RET: variants seen among roughly 807,000 people sequenced by gnomAD.
RET encodes proto-oncogene tyrosine-protein kinase receptor Ret.
RET carries 19 observed loss-of-function variants against 118.3 expected under a neutral mutation model. That is an observed-to-expected ratio of 0.16 (90% CI 0.11 to 0.24). The LOEUF is 0.24. Among genes scored for constraint, RET ranks in the 10% least tolerant of loss-of-function variants. The pLI is 1.00. For synonymous variants in RET, 597 were observed against 644.1 expected (o/e 0.93, Z 1.11); for missense variants, 1,219 against 1,502.1 (o/e 0.81, Z 3.12).
chr10:43,087,366 G>A (rs1009666524), intron 1 of RET, among the ~76,000 whole-genome samples: 12 of 152,300 alleles, frequency 7.9e-5, no homozygotes, highest in African/African-American at 2.6e-4. Context: ...CTTAAGTCTG[G>A]TACTGAGGCC....
At chr10:43,116,922 G>C (rs186417408) in intron 12 of RET, among the ~76,000 whole-genome samples, 191 bp downstream of exon 12, 49 of 152,356 alleles carry the variant, frequency 3.2e-4, no homozygotes, top group Admixed American at 1.2e-3. Flanking sequence ...CTCCCTGGAA[G>C]GCTCTAGAGG....
At position 43,077,295 on chromosome 10, in the gene RET, C is replaced by G; in HGVS notation, c.37C>G (p.Leu13Val). Reference sequence around the variant, plus strand: ...GACGTCCGGTGCCGCGGGGCTGCGTCTGCTGTTGCTGCTGCTGCTGCCGCT... The same window carrying G: ...GACGTCCGGTGCCGCGGGGCTGCGTGTGCTGTTGCTGCTGCTGCTGCCGCT... ...KATSGAAGLRLLLLLLLPLLG... is the reference protein window; with the variant it reads ...KATSGAAGLRVLLLLLLPLLG... Residue 13 changes from leucine to valine, a missense_variant, in exon 1 of 20, where the codon CTG becomes GTG. Around this residue, in one of 5 missense-constraint regions of RET, gnomAD observed 38 missense variants for 33.1 expected, o/e 1.15. Transcript: ENST00000355710. 2 of 1,511,522 alleles carry G rather than the reference C, an allele frequency of 1.3e-6. No homozygotes were observed. Among genetic ancestry groups the G allele is most frequent in the African/African-American group, 1.4e-5 (1 of 70,316 alleles). 93.6% of individuals were successfully genotyped at this position (1,511,522 alleles called of 1,614,324 possible).
intron 16 of RET, among the ~76,000 whole-genome samples, chr10:43,123,182 C>T (rs1015080639): frequency 3.3e-5 from 5 of 152,174 alleles, no homozygotes; most frequent in African/African-American, 1.2e-4. Context: ...TTTTCCTTCA[C>T]AGTTAAAATG....
chr10:43,100,072 T>C (rs1358597210), intron 1 of RET, among the ~76,000 whole-genome samples: 1 of 152,238 alleles, frequency 6.6e-6, no homozygotes, highest in Non-Finnish European at 1.5e-5. Context: ...TAAAGATTTA[T>C]GACTTTCCTG....
intron 1 of RET, among the ~76,000 whole-genome samples, chr10:43,084,241 C>A (rs993270721): frequency 6.6e-6 from 1 of 152,244 alleles, no homozygotes; most frequent in Admixed American, 6.5e-5. Flanking sequence ...CATACCTGGA[C>A]ATGAAATCGC....
At chr10:43,087,235 C>T (rs1837308880) in intron 1 of RET, among the ~76,000 whole-genome samples, 1 of 152,240 alleles carries the variant, frequency 6.6e-6, no homozygotes, top group Non-Finnish European at 1.5e-5. Flanking sequence ...CTCTCCTCCT[C>T]CTCAGCTGCT....
chr10:43,101,146 T>C (rs1837634265), intron 2 of RET, among the ~76,000 whole-genome samples: 1 of 151,986 alleles, frequency 6.6e-6, no homozygotes, highest in Non-Finnish European at 1.5e-5. Flanking sequence ...TGGCTGCCCT[T>C]GTACCTGGCA....
intron 1 of RET, among the ~76,000 whole-genome samples, chr10:43,094,997 G>C (rs12251778): frequency 6.6e-6 from 1 of 152,198 alleles, no homozygotes; most frequent in South Asian, 2.1e-4. Context: ...AACATCAGAG[G>C]CACTAAGCTG....
At chr10:43,121,722 G>A (rs982075773) in intron 15 of RET, among the ~76,000 whole-genome samples, 1 of 152,186 alleles carries the variant, frequency 6.6e-6, no homozygotes, top group Admixed American at 6.5e-5. Context: ...CTGTGTGCCT[G>A]TGGGTGGGCA....
At chr10:43,113,742 A>G in intron 10 of RET, 67 bp downstream of exon 10, 1 of 1,597,148 alleles carries the variant, frequency 6.3e-7, no homozygotes, top group South Asian at 1.1e-5. Flanking sequence ...AGCACATCTG[A>G]GGTCCCAACA....
intron 19 of RET, chr10:43,127,214 G>A: frequency 9.2e-7 from 1 of 1,082,584 alleles, no homozygotes; most frequent in South Asian, 4.1e-5. Flanking sequence ...CCCGGCACTG[G>A]CGAGCAGCCA....
At chr10:43,105,740 G>C (rs1837758174) in intron 4 of RET, among the ~76,000 whole-genome samples, 1 of 152,126 alleles carries the variant, frequency 6.6e-6, no homozygotes, top group Non-Finnish European at 1.5e-5. Context: ...TAGGTAGTAC[G>C]TTGCCTTGTT....
chr10:43,108,934 C>T, intron 5 of RET, 97 bp from the exon 6 acceptor site: 2 of 1,222,222 alleles, frequency 1.6e-6, no homozygotes, highest in South Asian at 2.4e-5. Context: ...CGTGTTTGCA[C>T]CAGTGTGAGT....
chr10:43,126,928 T>A, intron 19 of RET: 1 of 1,434,066 alleles, frequency 7.0e-7, no homozygotes, highest in Non-Finnish European at 9.1e-7. Context: ...GATGTGAAAA[T>A]AAGTGTAATT....
intron 1 of RET, among the ~76,000 whole-genome samples, chr10:43,098,801 C>A (rs1302521328): frequency 6.6e-6 from 1 of 152,182 alleles, no homozygotes; most frequent in Non-Finnish European, 1.5e-5. Flanking sequence ...CCATTGATGG[C>A]CACTGAGGTT....
intron 9 of RET, 33 bp downstream of exon 9, chr10:43,112,996 G>A (rs2132818644): frequency 1.3e-6 from 2 of 1,556,024 alleles, no homozygotes; most frequent in Non-Finnish European, 1.8e-6. Context: ...ATGGGAACAG[G>A]TAGGAGATAG....
At chr10:43,111,729 G>A (rs964668249) in intron 7 of RET, among the ~76,000 whole-genome samples, 2 of 152,166 alleles carry the variant, frequency 1.3e-5, no homozygotes, top group African/African-American at 4.8e-5. Context: ...GCAGCTTCTC[G>A]AAAGACACAC....
At chr10:43,126,777 T>C (rs1376404276) in intron 19 of RET, 55 bp downstream of exon 19, 1 of 1,599,832 alleles carries the variant, frequency 6.3e-7, no homozygotes. Context: ...CTTTGCACTA[T>C]CCTTCCTCTC....
At chr10:43,085,875 T>G (rs949251904) in intron 1 of RET, among the ~76,000 whole-genome samples, 2 of 152,218 alleles carry the variant, frequency 1.3e-5, no homozygotes, top group African/African-American at 4.8e-5. Flanking sequence ...TGCCTGGCTG[T>G]GACCTGGGGC....
Sources: gnomAD v4.1 joint callset for allele counts (sites outside exome capture counted in the v4.1 genomes callset) on GRCh38, gnomAD v4.1.1 for gene constraint, gnomAD v4.1.1 regional missense constraint, MANE v1.5 for transcripts, NCBI Gene and HGNC (gene_info 2026-07-23, HGNC 2026-07-21) for gene names.